GAB4: variants seen among roughly 807,000 people sequenced by gnomAD.
GAB4 encodes the protein GRB2-associated-binding protein 4.
Under a neutral mutation model 51.3 loss-of-function variants are expected in GAB4, and 26 were observed. The observed-to-expected ratio is 0.51, with a 90% CI of 0.37 to 0.70. The LOEUF (loss-of-function observed/expected upper bound fraction) is 0.70, where lower values mean the gene tolerates loss of function less well. Among genes scored for constraint, GAB4 ranks in the 30% least tolerant of loss-of-function variants. The pLI, the probability that GAB4 is intolerant of heterozygous loss-of-function variation, is 0.00. For synonymous variants in GAB4, 329 were observed against 291.2 expected (o/e 1.13, Z -1.32); for missense variants, 759 against 734.6 (o/e 1.03, Z -0.38).
At chr22:16,976,692 A>C (rs1036580017) in intron 3 of GAB4, among the ~76,000 whole-genome samples, 1 of 152,180 alleles carries the variant, frequency 6.6e-6, no homozygotes, top group African/African-American at 2.4e-5. Flanking sequence ...CTCCTTGAGA[A>C]GAGCAAACCC....
chr22:17,001,949 G>C (rs1011116908), intron 1 of GAB4, among the ~76,000 whole-genome samples: 2 of 152,184 alleles, frequency 1.3e-5, no homozygotes, highest in African/African-American at 4.8e-5. Flanking sequence ...CATGGGCATG[G>C]GACCCCCCGA....
intron 5 of GAB4, chr22:16,967,485 G>T (rs1218000052): frequency 1.3e-5 from 2 of 152,378 alleles, no homozygotes; most frequent in Admixed American, 1.3e-4. Context: ...CTTGGCCCTG[G>T]AAGGTGACGT....
intron 4 of GAB4, 74 bp from the exon 5 acceptor site, chr22:16,968,457 G>T: frequency 9.5e-7 from 1 of 1,052,592 alleles, no homozygotes; most frequent in Non-Finnish European, 1.5e-6. Flanking sequence ...CCTCCCCAGT[G>T]CTGCTTAGGG....
chr22:17,006,469 C>A (rs905640574), intron 1 of GAB4, among the ~76,000 whole-genome samples: 3 of 152,142 alleles, frequency 2.0e-5, no homozygotes, highest in African/African-American at 7.2e-5. Context: ...GGATCAAGAA[C>A]TAGAAATACC....
intron 1 of GAB4, among the ~76,000 whole-genome samples, chr22:17,006,345 G>T (rs2061039869): frequency 6.6e-6 from 1 of 152,144 alleles, no homozygotes; most frequent in African/African-American, 2.4e-5. Context: ...TCATTAAAAA[G>T]TCAGGAAACA....
chr22:17,000,552 T>C (rs1269848548), intron 1 of GAB4, among the ~76,000 whole-genome samples: 1 of 152,192 alleles, frequency 6.6e-6, no homozygotes, highest in Admixed American at 6.5e-5. Flanking sequence ...GAGATGGGTC[T>C]CCTGAAAACA....
chr22:16,971,973 A>G (rs2060735775), intron 3 of GAB4, among the ~76,000 whole-genome samples: 1 of 152,248 alleles, frequency 6.6e-6, no homozygotes, highest in South Asian at 2.1e-4. Context: ...ACACGTCTCT[A>G]GAGCATGCTG....
chr22:16,999,178 T>C (rs1252486549), intron 1 of GAB4, among the ~76,000 whole-genome samples: 1 of 152,246 alleles, frequency 6.6e-6, no homozygotes, highest in East Asian at 1.9e-4. Context: ...GAGGATTCCC[T>C]CTTTTTCTAT....
intron 3 of GAB4, among the ~76,000 whole-genome samples, chr22:16,972,890 A>T (rs1185960534): frequency 6.6e-6 from 1 of 151,306 alleles, no homozygotes; most frequent in Non-Finnish European, 1.5e-5. Context: ...AGGATGAAAA[A>T]CCCCCAGCTT....
intron 3 of GAB4, among the ~76,000 whole-genome samples, chr22:16,974,875 G>A (rs555276830): frequency 1.2e-4 from 19 of 152,318 alleles, no homozygotes; most frequent in African/African-American, 4.6e-4. Flanking sequence ...GCCGAAGCAG[G>A]GTGGGGCGTC....
intron 1 of GAB4, among the ~76,000 whole-genome samples, chr22:16,998,676 T>C (rs1354591836): frequency 5.3e-5 from 8 of 152,234 alleles, no homozygotes; most frequent in Non-Finnish European, 1.2e-4. Flanking sequence ...GAACTTCCAA[T>C]GCTATGTTGA....
At chr22:16,978,648 T>C (rs1377732106) in intron 3 of GAB4, among the ~76,000 whole-genome samples, 14 of 151,954 alleles carry the variant, frequency 9.2e-5, no homozygotes, top group Non-Finnish European at 1.3e-4. Flanking sequence ...TTCCAAAAAA[T>C]AGAAAAAGAT....
chr22:16,969,059 T>C (rs945631053), intron 4 of GAB4, among the ~76,000 whole-genome samples: 10 of 152,256 alleles, frequency 6.6e-5, no homozygotes, highest in Non-Finnish European at 1.5e-4. Context: ...GGAGTTACTA[T>C]TGATCTATTT....
chr22:16,975,243 C>G lies in GAB4; in HGVS notation c.687-5050G>C, dbSNP rs549939422. On this transcript the variant is annotated intron_variant, in intron 3 of 9. Transcript: ENST00000400588. ...GGGATCCCACCCCCATGGAGACCAG[C>G]AAGCTAAGATCCACTGGCTTGAAAT... Among the ~76,000 whole-genome samples the G allele has an allele frequency of 4.6e-5, 7 of 152,328 alleles. No homozygotes were observed. The South Asian group carries it at 1.2e-3, about 27-fold the overall frequency.
At chr22:16,969,632 G>A (rs2060712374) in intron 4 of GAB4, 5 of 632,902 alleles carry the variant, frequency 7.9e-6, no homozygotes, top group South Asian at 2.0e-5. Context: ...ATCGGCTGTT[G>A]TCTACTGCAG....
chr22:16,996,666 TTTA>T (rs993344943), intron 1 of GAB4, among the ~76,000 whole-genome samples: 70 of 152,146 alleles, frequency 4.6e-4, no homozygotes, highest in Admixed American at 3.2e-3. Flanking sequence ...AACATTCTTT[TTTA>T]TTATTATTAT....
chr22:16,975,941 C>T (rs1309590008), intron 3 of GAB4, among the ~76,000 whole-genome samples: 1 of 152,130 alleles, frequency 6.6e-6, no homozygotes, highest in African/African-American at 2.4e-5. Flanking sequence ...AGGGGTCTGA[C>T]TGTTAGGAGG....
intron 1 of GAB4, among the ~76,000 whole-genome samples, chr22:16,994,027 A>AT (rs931045415): frequency 2.6e-5 from 4 of 152,152 alleles, no homozygotes; most frequent in African/African-American, 9.7e-5. Context: ...TACTAGGATC[A>AT]TTCCCATCAA....
chr22:16,966,454 G>C (rs1320176636), intron 5 of GAB4, 90 bp from the exon 6 acceptor site: 1 of 1,349,124 alleles, frequency 7.4e-7, no homozygotes, highest in Non-Finnish European at 1.0e-6. Context: ...AAAGAGTCAT[G>C]ACGGGGTGTT....
Sources: gnomAD v4.1 joint callset for allele counts (sites outside exome capture counted in the v4.1 genomes callset) on GRCh38, gnomAD v4.1.1 for gene constraint, MANE v1.5 for transcripts, NCBI Gene and HGNC (gene_info 2026-07-23, HGNC 2026-07-21) for gene names.